The following ADAMTS18 variants were observed in gnomAD, a reference collection of about 807,000 sequenced individuals.
The protein encoded by ADAMTS18 is A disintegrin and metalloproteinase with thrombospondin motifs 18.
A neutral mutation model predicts 165.9 loss-of-function variants in ADAMTS18; 157 were observed. The observed-to-expected ratio is 0.95, with a 90% CI of 0.83 to 1.08. The LOEUF is 1.08. Among genes scored for constraint, ADAMTS18 ranks in the 50% least tolerant of loss-of-function variants. The probability of loss-of-function intolerance (pLI) is 0.00; values close to 1 mark genes in which losing one functional copy is unlikely to be tolerated. For missense variants in ADAMTS18, 2,040 were observed against 1,534.0 expected (o/e 1.33, Z -5.51); for synonymous variants, 782 against 578.2 (o/e 1.35, Z -5.06).
In ADAMTS18 at chr16:77,363,953, A is replaced by C. The variant is rs896019352; in HGVS notation, c.973-68T>G. ...AAACCTTAGGGGGAATCAATCAGAC[A>C]TATTGACTGAAGTACGCAGGCTTTA... On this transcript the variant is annotated intron_variant, in intron 5 of 22. Coordinates refer to ENST00000282849, the MANE Select transcript of ADAMTS18 (RefSeq NM_199355.4). The C allele has an allele frequency of 2.8e-6, 4 of 1,447,266 alleles. No homozygotes were observed. The East Asian group carries it at 9.1e-5, about 33-fold the overall frequency. 89.7% of individuals were successfully genotyped at this position (1,447,266 alleles called of 1,614,324 possible). A position where few individuals can be genotyped will look rare whatever the true frequency, so the allele number is the denominator to read the frequency against.
chr16:77,284,956 C>A (rs1302524929), intron 22 of ADAMTS18, among the ~76,000 whole-genome samples: 2 of 151,162 alleles, frequency 1.3e-5, no homozygotes, highest in East Asian at 3.9e-4. Context: ...CTCCAACAGT[C>A]TGTGTAGGTT....
At chr16:77,431,817 G>T (rs2057744138) in intron 2 of ADAMTS18, 1 of 605,832 alleles carries the variant, frequency 1.7e-6, no homozygotes, top group Non-Finnish European at 2.9e-6. Context: ...TTCTACAGGT[G>T]CCCGAAAGCC....
At chr16:77,384,475 T>C (rs190711275) in intron 3 of ADAMTS18, among the ~76,000 whole-genome samples, 77 of 152,314 alleles carry the variant, frequency 5.1e-4, no homozygotes, top group Non-Finnish European at 9.4e-4. Context: ...ACTCAAATCA[T>C]ACTGACTGAA....
chr16:77,431,258 G>A (rs769428621), intron 3 of ADAMTS18, 37 bp downstream of exon 3: 7 of 1,612,096 alleles, frequency 4.3e-6, no homozygotes, highest in Admixed American at 1.7e-5. Context: ...CACAAAACAC[G>A]AAAGAGGGAG....
chr16:77,376,032 T>G (rs2056947125), intron 3 of ADAMTS18, among the ~76,000 whole-genome samples: 1 of 151,702 alleles, frequency 6.6e-6, no homozygotes, highest in Non-Finnish European at 1.5e-5. Context: ...GTCTCCTGAG[T>G]AGCTGGGATT....
intron 12 of ADAMTS18, among the ~76,000 whole-genome samples, chr16:77,330,606 T>A (rs964602413): frequency 1.3e-5 from 2 of 152,114 alleles, no homozygotes; most frequent in African/African-American, 4.8e-5. Flanking sequence ...CCCTGAGGCA[T>A]AGGAGGGCTC....
In ADAMTS18 at chr16:77,364,257, T is replaced by G. The variant is rs2144736758; in HGVS notation, c.903A>C (p.Ala301=). ...KGLNVETLVV[A]DKKMVEKHGK... is the part of the protein sequence containing the mutation. ...CATGCTTTTCCACCATTTTCTTGTC[T>G]GCCACCACGAGGGTTTCCACATTGA... The change falls in exon 5 of 23, where the codon GCA becomes GCC. Residue 301 remains alanine, a synonymous_variant. Coordinates refer to ENST00000282849, the MANE Select transcript of ADAMTS18 (RefSeq NM_199355.4). The G allele has an allele frequency of 6.2e-7, 1 of 1,614,066 alleles. No homozygotes were observed. Among genetic ancestry groups the G allele is most frequent in the East Asian group, 2.2e-5 (1 of 44,870 alleles).
At chr16:77,295,714 T>C (rs530260980) in intron 18 of ADAMTS18, among the ~76,000 whole-genome samples, 5 of 152,312 alleles carry the variant, frequency 3.3e-5, no homozygotes, top group African/African-American at 1.2e-4. Context: ...CCAAATTACT[T>C]TTCTGATTAC....
Position 77,283,655 on chromosome 16 carries a change from A to C in ADAMTS18, c.*301T>G. ...AAGTTCAAAAGGGGGTCTCTCCCCA[A>C]ATCGACGTATCTCAGTGTGATTCAC... On this transcript the variant is annotated 3_prime_UTR_variant, in exon 23 of 23. Coordinates refer to ENST00000282849, the MANE Select transcript of ADAMTS18 (RefSeq NM_199355.4). 1 of 345,820 alleles carries C rather than the reference A, an allele frequency of 2.9e-6. No individual in the cohort carries two copies. Among genetic ancestry groups the C allele is most frequent in the South Asian group, 2.9e-5 (1 of 34,556 alleles). The allele number at this position is 345,820 out of a possible 1,614,324, so 21.4% of individuals were successfully genotyped here.
chr16:77,413,606 G>T (rs1392196730), intron 3 of ADAMTS18, among the ~76,000 whole-genome samples: 1 of 152,012 alleles, frequency 6.6e-6, no homozygotes, highest in Non-Finnish European at 1.5e-5. Context: ...TTATAATAGT[G>T]GGACATTGGG....
chr16:77,355,521 C>A (rs957439353), intron 9 of ADAMTS18, among the ~76,000 whole-genome samples: 1 of 152,066 alleles, frequency 6.6e-6, no homozygotes, highest in African/African-American at 2.4e-5. Flanking sequence ...TAATTAGTCA[C>A]AGTAAAAAGA....
chr16:77,379,324 TGGCTAGCATCATGGGGAGAAGAAC>T (rs764855018), intron 3 of ADAMTS18, among the ~76,000 whole-genome samples: 252 of 152,322 alleles, frequency 1.7e-3, no homozygotes, highest in Middle Eastern at 3.4e-3. Flanking sequence ...CTTTTTGGTT[TGGCTAGCATCATGGGGAGAAGAAC>T]GCTTGCTACT....
chr16:77,385,008 C>T (rs1386967286), intron 3 of ADAMTS18, among the ~76,000 whole-genome samples: 1 of 151,568 alleles, frequency 6.6e-6, no homozygotes, highest in Non-Finnish European at 1.5e-5. Context: ...TTCCCAGGTT[C>T]AAGCATTCTC....
intron 2 of ADAMTS18, among the ~76,000 whole-genome samples, chr16:77,433,068 G>C (rs2057757402): frequency 6.6e-6 from 1 of 152,088 alleles, no homozygotes; most frequent in African/African-American, 2.4e-5. Flanking sequence ...TTGAAAATCT[G>C]AGCCAGACAT....
At chr16:77,416,752 G>A (rs117354785) in intron 3 of ADAMTS18, among the ~76,000 whole-genome samples, 1,562 of 152,300 alleles carry the variant, frequency 0.01, 10 homozygotes, top group Non-Finnish European at 0.016. Flanking sequence ...AGCTGGTAGA[G>A]AAGAGGAAAA....
At chr16:77,428,262 C>G (rs773428063) in intron 3 of ADAMTS18, among the ~76,000 whole-genome samples, 4 of 152,120 alleles carry the variant, frequency 2.6e-5, no homozygotes, top group Non-Finnish European at 5.9e-5. Context: ...ATGAGTCTCT[C>G]CAACAAGCCT....
Position 77,319,963 on chromosome 16 carries a change from G to T in ADAMTS18, c.2418C>A (p.Ile806=). The T allele has an allele frequency of 3.1e-6, 5 of 1,614,214 alleles. No homozygotes were observed. The highest frequency in any genetic ancestry group is 4.2e-6 in the Non-Finnish European group (5 of 1,180,036). The change falls in exon 16 of 23, where the codon ATC becomes ATA. Residue 806 remains isoleucine, a synonymous_variant. Transcript: ENST00000282849. Reference sequence around the variant, plus strand: ...CGAAGGGGAACTCCCCAGGCCAGTCGATGCTCCAGCCCCCGGTGAGGTAAT... The same window carrying T: ...CGAAGGGGAACTCCCCAGGCCAGTCTATGCTCCAGCCCCCGGTGAGGTAAT... ...QKYYLTGGWS[I]DWPGEFPFAG... is the part of the protein sequence containing the mutation.
chr16:77,416,403 G>T (rs966720636), intron 3 of ADAMTS18, among the ~76,000 whole-genome samples: 6 of 152,150 alleles, frequency 3.9e-5, no homozygotes, highest in African/African-American at 1.4e-4. Flanking sequence ...ACCTTGAATT[G>T]TAATAATCCC....
At chr16:77,370,301 G>T (rs1262741060) in intron 3 of ADAMTS18, among the ~76,000 whole-genome samples, 1 of 152,138 alleles carries the variant, frequency 6.6e-6, no homozygotes, top group South Asian at 2.1e-4. Flanking sequence ...AATTGTCCCT[G>T]TTTTCAGATA....
Sources: allele counts gnomAD v4.1 joint callset (sites outside exome capture counted in the v4.1 genomes callset), GRCh38; gene constraint gnomAD v4.1.1; transcripts MANE v1.5; gene names NCBI Gene and HGNC (gene_info 2026-07-23, HGNC 2026-07-21).